Variants in SNX24 observed in about 807,000 individuals in gnomAD.
SNX24 encodes the protein sorting nexin 24, also known as sorting nexin-24.
SNX24 carries 22 observed loss-of-function variants against 28.7 expected under a neutral mutation model. That is an observed-to-expected ratio of 0.77 (90% CI 0.55 to 1.10). The LOEUF is 1.10. Ranked by LOEUF, SNX24 falls within the 50% of genes least tolerant of loss-of-function variation. The probability of loss-of-function intolerance (pLI) is 0.00; values close to 1 mark genes in which losing one functional copy is unlikely to be tolerated. For missense variants in SNX24, 221 were observed against 201.1 expected, an observed-to-expected ratio of 1.10 and a Z score of -0.60; for synonymous variants, 69 against 71.5, an observed-to-expected ratio of 0.96 and a Z score of 0.18.
rs200216912 is a variant in SNX24, at chr5:123,014,516, AT to A, written n.383+12514del. 3.7e-3 allele frequency among the ~76,000 whole-genome samples: 557 copies of A among 152,030 alleles called. 3 individuals are homozygous for A. Among genetic ancestry groups the A allele is most frequent in the African/African-American group, 0.013 (534 of 41,448 alleles). ...CATGAACGCTTAAATCAGAACTAGT[AT>A]TGCAATAGCTGCTAATATTTCCACA... On this transcript the variant is annotated intron_variant and non_coding_transcript_variant, in intron 5 of 5. Coordinates refer to the SNX24 transcript ENST00000502387.
chr5:123,009,750 T>C (rs1446469749), downstream of SNX24, among the ~76,000 whole-genome samples: 2 of 152,210 alleles, frequency 1.3e-5, no homozygotes, highest in Admixed American at 1.3e-4. Context: ...AACTGAATGC[T>C]TACAGAATCT....
At chr5:122,991,372 T>C (rs1183553580) in intron 3 of SNX24, among the ~76,000 whole-genome samples, 1 of 152,198 alleles carries the variant, frequency 6.6e-6, no homozygotes, top group Non-Finnish European at 1.5e-5. Context: ...TACCCAGTTA[T>C]TTGCTGAAAA....
intron 3 of SNX24, among the ~76,000 whole-genome samples, chr5:122,952,321 T>TA (rs1261531800): frequency 1.3e-5 from 2 of 152,102 alleles, no homozygotes; most frequent in Non-Finnish European, 2.9e-5. Context: ...ATGAATTTTT[T>TA]AAAAAAAGAA....
At chr5:122,964,772 A>C (rs1760646137) in intron 3 of SNX24, among the ~76,000 whole-genome samples, 1 of 152,204 alleles carries the variant, frequency 6.6e-6, no homozygotes, top group Admixed American at 6.5e-5. Flanking sequence ...ATTATGTTGA[A>C]GAAGCTGCCA....
chr5:122,930,935 T>C (rs1315498833), intron 1 of SNX24, among the ~76,000 whole-genome samples: 1 of 152,212 alleles, frequency 6.6e-6, no homozygotes, highest in African/African-American at 2.4e-5. Flanking sequence ...CCTTGAATCA[T>C]GTCGTTTTGT....
intron 3 of SNX24, among the ~76,000 whole-genome samples, chr5:122,996,111 G>T (rs2150171177): frequency 6.6e-6 from 1 of 152,302 alleles, no homozygotes; most frequent in Middle Eastern, 3.4e-3. Flanking sequence ...GTATTAGAAA[G>T]AATCCTTTAC....
chr5:122,845,926 T>A (rs1404596603), intron 1 of SNX24, among the ~76,000 whole-genome samples: 1 of 150,314 alleles, frequency 6.7e-6, no homozygotes, highest in African/African-American at 2.5e-5. Flanking sequence ...AACCCTCTCC[T>A]CCCGGACGAG....
chr5:122,957,442 G>A (rs929089113), intron 3 of SNX24, among the ~76,000 whole-genome samples: 1 of 152,184 alleles, frequency 6.6e-6, no homozygotes, highest in Non-Finnish European at 1.5e-5. Context: ...TTTGAAATCA[G>A]GAAGTGCGAG....
intron 1 of SNX24, among the ~76,000 whole-genome samples, chr5:122,889,586 C>T (rs528920744): frequency 1.4e-5 from 2 of 145,118 alleles, no homozygotes; most frequent in South Asian, 2.2e-4. Flanking sequence ...ATACTCAATC[C>T]GTGTATGTGT....
chr5:122,930,097 T>A (rs1305249538), intron 1 of SNX24, among the ~76,000 whole-genome samples: 1 of 152,178 alleles, frequency 6.6e-6, no homozygotes, highest in Non-Finnish European at 1.5e-5. Flanking sequence ...TTTCTCTGTG[T>A]GCCAAGCACC....
chr5:122,956,282 A>T (rs1473218233), intron 3 of SNX24, among the ~76,000 whole-genome samples: 1 of 151,902 alleles, frequency 6.6e-6, no homozygotes. Flanking sequence ...TTTGGAACAC[A>T]GTCTCTGCAG....
At chr5:122,894,987 CTTCAT>C (rs1052618641) in intron 1 of SNX24, among the ~76,000 whole-genome samples, 2 of 54,312 alleles carry the variant, frequency 3.7e-5, no homozygotes, top group African/African-American at 1.8e-4. Flanking sequence ...CAGTAAATCA[CTTCAT>C]TTTAGTTTAA....
chr5:122,937,002 A>G (rs1415242252), intron 2 of SNX24, among the ~76,000 whole-genome samples, 185 bp downstream of exon 2: 2 of 152,170 alleles, frequency 1.3e-5, no homozygotes, highest in Non-Finnish European at 1.5e-5. Context: ...TGCTTTCTGA[A>G]TAGGTAGATT....
chr5:122,913,749 C>T (rs1758026199), intron 1 of SNX24, among the ~76,000 whole-genome samples: 1 of 152,194 alleles, frequency 6.6e-6, no homozygotes, highest in African/African-American at 2.4e-5. Flanking sequence ...TTTGGGAGGC[C>T]AAGGCAGGCG....
At chr5:122,891,081 ATTG>A (rs1561554490) in intron 1 of SNX24, 1 of 1,534,842 alleles carries the variant, frequency 6.5e-7, no homozygotes, top group East Asian at 2.5e-5. Flanking sequence ...ATATGAAGTT[ATTG>A]TTCTGGAAAT....
intron 1 of SNX24, among the ~76,000 whole-genome samples, chr5:122,905,290 G>A (rs907057246): frequency 6.6e-6 from 1 of 152,098 alleles, no homozygotes; most frequent in Non-Finnish European, 1.5e-5. Flanking sequence ...GGGACGATTA[G>A]TATCTGACAG....
chr5:122,871,626 C>T (rs573596641), intron 1 of SNX24, among the ~76,000 whole-genome samples: 5 of 152,032 alleles, frequency 3.3e-5, no homozygotes, highest in African/African-American at 9.6e-5. Context: ...AAAAATTAGC[C>T]GGGTGTGGTG....
chr5:122,964,479 C>T, intron 3 of SNX24, among the ~76,000 whole-genome samples: 1 of 151,640 alleles, frequency 6.6e-6, no homozygotes, highest in Non-Finnish European at 1.5e-5. Context: ...TTATAGTATG[C>T]CTTCTTTGTC....
chr5:122,885,248 C>A (rs1298576977), intron 1 of SNX24, among the ~76,000 whole-genome samples: 1 of 152,100 alleles, frequency 6.6e-6, no homozygotes, highest in Non-Finnish European at 1.5e-5. Flanking sequence ...TCCTGCTTGC[C>A]TCCCTGCCTC....
Sources: allele counts gnomAD v4.1 joint callset (sites outside exome capture counted in the v4.1 genomes callset), GRCh38; gene constraint gnomAD v4.1.1; transcripts MANE v1.5; gene names NCBI Gene and HGNC (gene_info 2026-07-23, HGNC 2026-07-21).